Variants in RARB observed in about 807,000 individuals in gnomAD.
RARB encodes the protein HBV-activated protein.
A neutral mutation model predicts 51.9 loss-of-function variants in RARB; 17 were observed. The observed-to-expected ratio is 0.33, with a 90% CI of 0.22 to 0.49. The LOEUF is 0.49. Among genes scored for constraint, RARB ranks in the 20% least tolerant of loss-of-function variants. RARB has a pLI of 0.99. For synonymous variants in RARB, 215 were observed against 195.4 expected, an observed-to-expected ratio of 1.10 and a Z score of -0.84; for missense variants, 369 against 550.8, an observed-to-expected ratio of 0.67 and a Z score of 3.30.
At chr3:25,159,978 C>A (rs765659605) in intron 4 of RARB, among the ~76,000 whole-genome samples, 12 of 152,118 alleles carry the variant, frequency 7.9e-5, no homozygotes, top group Non-Finnish European at 1.5e-4. Context: ...AAACCACAGG[C>A]TAATTAAGAC....
intron 6 of RARB, 140 bp downstream of exon 6, chr3:25,593,847 T>C (rs1701710399): frequency 2.7e-6 from 2 of 740,826 alleles, no homozygotes; most frequent in Non-Finnish European, 4.3e-6. Flanking sequence ...ACATGCCTGG[T>C]TTCATTGTAT....
chr3:25,032,552 G>C (rs1220407760), intron 2 of RARB, among the ~76,000 whole-genome samples: 2 of 152,220 alleles, frequency 1.3e-5, no homozygotes, highest in African/African-American at 4.8e-5. Context: ...TTCAAAAGCA[G>C]TGTTCACTAT....
At chr3:25,248,740 G>A (rs908338632) in intron 5 of RARB, among the ~76,000 whole-genome samples, 1 of 152,004 alleles carries the variant, frequency 6.6e-6, no homozygotes, top group South Asian at 2.1e-4. Context: ...TTTTCTTTCA[G>A]TATTTAAAAT....
intron 2 of RARB, among the ~76,000 whole-genome samples, chr3:25,478,163 C>G (rs1991785): frequency 0.1 from 15,711 of 152,136 alleles, 1,461 homozygotes; most frequent in East Asian, 0.42. Flanking sequence ...CCTTGCAAGT[C>G]CCATAGTGTT....
chr3:25,332,712 A>G (rs992510314), intron 5 of RARB, among the ~76,000 whole-genome samples: 3 of 152,194 alleles, frequency 2.0e-5, no homozygotes, highest in Non-Finnish European at 4.4e-5. Context: ...AGGGTATTCA[A>G]TTAGGAAAAG....
At chr3:25,174,329 A>G in exon 5 of RARB, 1 of 1,269,944 alleles carries the variant, frequency 7.9e-7, no homozygotes, top group Non-Finnish European at 1.0e-6. Flanking sequence ...TGCCTCCCTC[A>G]CTTTGGTTTA....
intron 5 of RARB, among the ~76,000 whole-genome samples, chr3:25,414,219 A>T (rs1707642004): frequency 6.6e-6 from 1 of 152,206 alleles, no homozygotes; most frequent in Non-Finnish European, 1.5e-5. Context: ...GATTATTATG[A>T]GATTCATTTA....
chr3:25,073,226 A>T (rs1358040114), intron 3 of RARB, among the ~76,000 whole-genome samples: 1 of 152,256 alleles, frequency 6.6e-6, no homozygotes, highest in Non-Finnish European at 1.5e-5. Flanking sequence ...CATGACGATC[A>T]TGAAGGAGGT....
At chr3:25,250,733 A>G (rs987108580) in intron 5 of RARB, among the ~76,000 whole-genome samples, 2 of 152,152 alleles carry the variant, frequency 1.3e-5, no homozygotes, top group African/African-American at 4.8e-5. Flanking sequence ...ACCTTGCTAT[A>G]GCTGCTTAGG....
At chr3:24,847,888 T>C (rs1702504605) in intron 1 of RARB, among the ~76,000 whole-genome samples, 1 of 152,204 alleles carries the variant, frequency 6.6e-6, no homozygotes, top group South Asian at 2.1e-4. Context: ...AGCTGGCCTA[T>C]ATGTGGAAAG....
intron 5 of RARB, among the ~76,000 whole-genome samples, chr3:25,194,870 A>G (rs577450241): frequency 6.6e-6 from 1 of 152,100 alleles, no homozygotes; most frequent in Admixed American, 6.6e-5. Flanking sequence ...CACTTTGAAC[A>G]TTCAGTGACA....
intron 2 of RARB, among the ~76,000 whole-genome samples, chr3:25,004,880 A>T (rs1446158098): frequency 6.6e-6 from 1 of 152,164 alleles, no homozygotes; most frequent in Non-Finnish European, 1.5e-5. Flanking sequence ...ATCTTCAAAT[A>T]GTGTCAGAAC....
At chr3:25,142,898 A>G (rs6764521) in intron 4 of RARB, among the ~76,000 whole-genome samples, 97,291 of 151,932 alleles carry the variant, frequency 0.64, 31,251 homozygotes, top group Admixed American at 0.72. Context: ...CCCGTGTCTG[A>G]TCCTCTGCTG....
chr3:24,956,299 A>C lies in RARB; in HGVS notation c.-380+97547A>C, dbSNP rs146060810. On this transcript the variant is annotated intron_variant, in intron 2 of 11. Transcript: ENST00000383772. ...CCAGGTCTCAGTTTTCTCATTTGTCAAATGTGTATAATAATATCTTCATCA... is the reference window on the plus strand; with the variant it reads ...CCAGGTCTCAGTTTTCTCATTTGTCCAATGTGTATAATAATATCTTCATCA... Among the ~76,000 whole-genome samples the C allele has an allele frequency of 5.3e-5, 8 of 152,338 alleles. No homozygotes were observed. In the East Asian group the frequency reaches 1.3e-3, roughly 26 times the overall value.
chr3:25,352,948 T>C (rs938902168), intron 5 of RARB, among the ~76,000 whole-genome samples: 5 of 152,192 alleles, frequency 3.3e-5, no homozygotes, highest in Non-Finnish European at 7.4e-5. Flanking sequence ...ACATAAATGA[T>C]CATGACTATC....
chr3:25,310,374 A>G (rs1428566229), intron 5 of RARB, among the ~76,000 whole-genome samples: 1 of 152,208 alleles, frequency 6.6e-6, no homozygotes, highest in African/African-American at 2.4e-5. Flanking sequence ...CTAGGCACTC[A>G]TTCATTCAAC....
At chr3:24,832,629 A>T (rs1296783389) in intron 1 of RARB, among the ~76,000 whole-genome samples, 1 of 12,956 alleles carries the variant, frequency 7.7e-5, no homozygotes, top group Non-Finnish European at 2.2e-4. Flanking sequence ...TTGAGTCCCA[A>T]TATATATATA....
intron 4 of RARB, among the ~76,000 whole-genome samples, chr3:25,140,649 T>G (rs76441085): frequency 0.06 from 9,117 of 152,252 alleles, 338 homozygotes; most frequent in Middle Eastern, 0.082. Context: ...GATAAAGCAA[T>G]AGCAGAGGTT....
chr3:25,321,869 T>TAA (rs542980653), intron 5 of RARB, among the ~76,000 whole-genome samples: 57 of 143,686 alleles, frequency 4.0e-4, no homozygotes, highest in South Asian at 1.3e-3. Context: ...CTCTAAAATT[T>TAA]AAAAAAAAAA....
Sources: gnomAD v4.1 joint callset for allele counts (sites outside exome capture counted in the v4.1 genomes callset) on GRCh38, gnomAD v4.1.1 for gene constraint, MANE v1.5 for transcripts, NCBI Gene and HGNC (gene_info 2026-07-23, HGNC 2026-07-21) for gene names.